Variants in METTL15 observed in about 807,000 individuals in gnomAD.
METTL15 encodes the protein 12S rRNA N(4)-cytidine methyltransferase METTL15.
Under a neutral mutation model 38.3 loss-of-function variants are expected in METTL15, and 34 were observed. The observed-to-expected ratio is 0.89, with a 90% CI of 0.68 to 1.18. The LOEUF is 1.18. Ranked by LOEUF, METTL15 falls within the 50% of genes most tolerant of loss-of-function variation. The probability of loss-of-function intolerance (pLI) is 0.00; values close to 1 mark genes in which losing one functional copy is unlikely to be tolerated. For synonymous variants in METTL15, 162 were observed against 170.9 expected, an observed-to-expected ratio of 0.95 and a Z score of 0.41; for missense variants, 438 against 498.4, an observed-to-expected ratio of 0.88 and a Z score of 1.15.
At chr11:28,207,688 C>CA (rs1555000268) in intron 3 of METTL15, among the ~76,000 whole-genome samples, 1 of 152,092 alleles carries the variant, frequency 6.6e-6, no homozygotes, top group Non-Finnish European at 1.5e-5. Context: ...GGAATGGTAC[C>CA]AATTCCTCCT....
chr11:28,143,160 C>T (rs906337204), intron 3 of METTL15, among the ~76,000 whole-genome samples: 2 of 151,786 alleles, frequency 1.3e-5, no homozygotes, highest in Non-Finnish European at 2.9e-5. Context: ...ACTTTTCAGA[C>T]AGCCAGAATA....
downstream of METTL15, among the ~76,000 whole-genome samples, chr11:28,334,314 A>T (rs1196345781): frequency 6.6e-6 from 1 of 152,090 alleles, no homozygotes; most frequent in East Asian, 1.9e-4. Context: ...TAAGCCTTAC[A>T]TATTAGAATC....
chr11:28,316,158 T>C (rs1478307991), intron 6 of METTL15, among the ~76,000 whole-genome samples: 2 of 152,142 alleles, frequency 1.3e-5, no homozygotes, highest in Non-Finnish European at 2.9e-5. Flanking sequence ...CCACAGATGC[T>C]CAGCAGTAGC....
intron 5 of METTL15, among the ~76,000 whole-genome samples, chr11:28,404,902 C>G (rs910142447): frequency 1.3e-5 from 2 of 151,982 alleles, no homozygotes; most frequent in African/African-American, 4.8e-5. Context: ...ATTAAAAATA[C>G]TGTGAATCTG....
At chr11:28,462,198 A>G (rs929191770) in intron 6 of METTL15, among the ~76,000 whole-genome samples, 1 of 152,096 alleles carries the variant, frequency 6.6e-6, no homozygotes, top group African/African-American at 2.4e-5. Context: ...ATCTGACCTA[A>G]TACTTTAATA....
chr11:28,437,297 T>C (rs1850991679), intron 6 of METTL15, among the ~76,000 whole-genome samples: 1 of 152,210 alleles, frequency 6.6e-6, no homozygotes, highest in Admixed American at 6.5e-5. Flanking sequence ...TATCTACATA[T>C]ATCCTATTAG....
intron 6 of METTL15, among the ~76,000 whole-genome samples, chr11:28,481,307 C>A (rs1851393195): frequency 6.6e-6 from 1 of 152,172 alleles, no homozygotes; most frequent in Non-Finnish European, 1.5e-5. Flanking sequence ...GGACTTCTGA[C>A]CTCCAGAACT....
chr11:28,149,810 A>G (rs1850016918), intron 3 of METTL15, among the ~76,000 whole-genome samples: 1 of 151,932 alleles, frequency 6.6e-6, no homozygotes, highest in Admixed American at 6.6e-5. Flanking sequence ...CTATAACAAA[A>G]CAGTACTTAA....
chr11:28,434,312 T>C (rs1457019767), intron 6 of METTL15, among the ~76,000 whole-genome samples: 1 of 152,216 alleles, frequency 6.6e-6, no homozygotes, highest in Non-Finnish European at 1.5e-5. Flanking sequence ...TGCTGAACTG[T>C]GAGTCAATTA....
chr11:28,361,527 A>C (rs1332766444), intron 4 of METTL15, among the ~76,000 whole-genome samples: 1 of 152,210 alleles, frequency 6.6e-6, no homozygotes, highest in African/African-American at 2.4e-5. Flanking sequence ...AAAATAAAAA[A>C]GAAAGAAAAT....
chr11:28,265,829 C>T (rs187619166), intron 4 of METTL15, among the ~76,000 whole-genome samples: 318 of 152,250 alleles, frequency 2.1e-3, no homozygotes, highest in African/African-American at 7.3e-3. Flanking sequence ...TTTTTTATTA[C>T]GCTTTAAATG....
intron 6 of METTL15, among the ~76,000 whole-genome samples, chr11:28,441,054 CA>C (rs1851030422): frequency 1.2e-5 from 1 of 81,560 alleles, no homozygotes. Flanking sequence ...TTACTTATGA[CA>C]CTACTTTTTT....
intron 6 of METTL15, among the ~76,000 whole-genome samples, chr11:28,312,115 A>G (rs1179591076): frequency 6.6e-6 from 1 of 152,220 alleles, no homozygotes; most frequent in Non-Finnish European, 1.5e-5. Flanking sequence ...TAGGCGGCCA[A>G]CTCATTTCAG....
chr11:28,287,456 C>T (rs1182264489), intron 4 of METTL15: 3 of 426,860 alleles, frequency 7.0e-6, no homozygotes, highest in Non-Finnish European at 1.4e-5. Flanking sequence ...ATTTTCCTAG[C>T]AATGTGATCA....
chr11:28,478,333 A>G (rs1160638991), intron 6 of METTL15, among the ~76,000 whole-genome samples: 3 of 152,158 alleles, frequency 2.0e-5, no homozygotes, highest in Non-Finnish European at 4.4e-5. Flanking sequence ...ACTCACAGAG[A>G]TGGTGATTAT....
At chr11:28,213,600 G>T (rs1852731422) in intron 4 of METTL15, among the ~76,000 whole-genome samples, 1 of 145,916 alleles carries the variant, frequency 6.9e-6, no homozygotes. Context: ...AAATGGATTT[G>T]CAGTTATCTA....
At position 28,185,165 on chromosome 11, in the gene METTL15, T is replaced by C. The variant is rs535419856; in HGVS notation, c.271-25897T>C. On this transcript the variant is annotated intron_variant, in intron 3 of 6. Transcript: ENST00000407364. ...ATAAACTCTGTAGAACCAGGGATCA[T>C]ATCTTTTCTATATTTGTTTAATATA... Among the ~76,000 whole-genome samples the C allele has an allele frequency of 5.9e-5, 9 of 151,690 alleles. No homozygotes were observed. In the South Asian group the frequency reaches 1.9e-3, roughly 31 times the overall value.
At chr11:28,379,931 T>C (rs1850363092) in intron 5 of METTL15, among the ~76,000 whole-genome samples, 2 of 152,150 alleles carry the variant, frequency 1.3e-5, no homozygotes, top group Admixed American at 1.3e-4. Context: ...TCATATTCTC[T>C]TGCAGAATTG....
chr11:28,123,433 G>C (rs780691624), intron 3 of METTL15, among the ~76,000 whole-genome samples: 11 of 152,164 alleles, frequency 7.2e-5, no homozygotes, highest in Middle Eastern at 6.8e-3. Context: ...TGAGGTGTAA[G>C]TAGCATACGT....
Sources: allele counts gnomAD v4.1 joint callset (sites outside exome capture counted in the v4.1 genomes callset), GRCh38; gene constraint gnomAD v4.1.1; transcripts MANE v1.5; gene names NCBI Gene and HGNC (gene_info 2026-07-23, HGNC 2026-07-21).